Variants in SEC14L1 observed in about 807,000 individuals in gnomAD.
SEC14L1 encodes SEC14-like protein 1.
In SEC14L1, 48 loss-of-function variants were observed where a neutral mutation model predicts 85.3. The ratio of observed to expected loss-of-function variants is 0.56; its 90% CI spans 0.45 to 0.72. The LOEUF is 0.72. Among genes scored for constraint, SEC14L1 ranks in the 30% least tolerant of loss-of-function variants. The pLI, the probability that SEC14L1 is intolerant of heterozygous loss-of-function variation, is 0.00. For synonymous variants in SEC14L1, 391 were observed against 355.5 expected (o/e 1.10, Z -1.12); for missense variants, 682 against 921.4 (o/e 0.74, Z 3.36).
chr17:77,173,430 G>C lies in SEC14L1; in HGVS notation c.64-17373G>C, dbSNP rs150965574. ...AGGTGAGAGGTATCTGGCTGAGGCA[G>C]ATGGTCTAAAGGATCCCATGTGGGT... On this transcript the variant is annotated intron_variant, in intron 3 of 16. Coordinates refer to ENST00000436233, the MANE Select transcript of SEC14L1 (RefSeq NM_001143998.2). Among the ~76,000 whole-genome samples the C allele has an allele frequency of 5.9e-3, 900 of 152,058 alleles. 6 individuals carry two copies. Among genetic ancestry groups the C allele is most frequent in the African/African-American group, 0.02 (835 of 41,444 alleles).
chr17:77,146,196 G>A (rs1598296240), intron 3 of SEC14L1, among the ~76,000 whole-genome samples: 1 of 152,144 alleles, frequency 6.6e-6, no homozygotes, highest in East Asian at 1.9e-4. Flanking sequence ...AGGCAGTGGG[G>A]GTGGTAGGCA....
At chr17:77,176,721 G>T (rs553466214) in intron 3 of SEC14L1, among the ~76,000 whole-genome samples, 1 of 152,168 alleles carries the variant, frequency 6.6e-6, no homozygotes, top group East Asian at 1.9e-4. Flanking sequence ...TGAGTAGCTG[G>T]GATTACAGGT....
chr17:77,102,901 G>A (rs1343082601), intron 3 of SEC14L1, among the ~76,000 whole-genome samples: 2 of 151,940 alleles, frequency 1.3e-5, no homozygotes, highest in African/African-American at 2.4e-5. Context: ...TCCTGGGCTC[G>A]AGGGATCCCC....
chr17:77,092,872 C>T (rs1241854370), intron 2 of SEC14L1, among the ~76,000 whole-genome samples: 7 of 150,158 alleles, frequency 4.7e-5, no homozygotes, highest in East Asian at 2.0e-4. Flanking sequence ...TGCTTGAACC[C>T]GGGAGGCGGA....
intron 3 of SEC14L1, among the ~76,000 whole-genome samples, chr17:77,128,463 T>G (rs1346672262): frequency 7.1e-6 from 1 of 139,888 alleles, no homozygotes; most frequent in African/African-American, 2.7e-5. Flanking sequence ...TTATTATGTT[T>G]TTTTTTTTTT....
Position 77,216,485 on chromosome 17 carries a change from G to A in SEC14L1, c.*2462G>A. The A allele has an allele frequency of 6.2e-7, 1 of 1,612,562 alleles. No homozygotes were observed. The highest frequency in any genetic ancestry group is 8.5e-7 in the Non-Finnish European group (1 of 1,179,018). ...GTGCTGCTTCCACCTGGTGCTTCCT[G>A]TTCCCAAATCACAAGGGCCTGAAGG... On this transcript the variant is annotated 3_prime_UTR_variant, in exon 17 of 17. Transcript: ENST00000436233.
At chr17:77,149,586 C>T (rs939741712) in intron 3 of SEC14L1, among the ~76,000 whole-genome samples, 2 of 152,148 alleles carry the variant, frequency 1.3e-5, no homozygotes, top group African/African-American at 4.8e-5. Context: ...ATAGTCCTAG[C>T]TTCTCAGGAG....
chr17:77,136,261 TTC>T (rs146440414), upstream of SEC14L1, among the ~76,000 whole-genome samples: 49 of 151,000 alleles, frequency 3.2e-4, no homozygotes, highest in Admixed American at 4.6e-4. Flanking sequence ...CTTTCTTTCT[TTC>T]TCTCTTTTTC....
At chr17:77,203,519 CA>C in intron 9 of SEC14L1, 50 bp from the exon 10 acceptor site, 1 of 1,480,620 alleles carries the variant, frequency 6.8e-7, no homozygotes, top group Non-Finnish European at 9.4e-7. Flanking sequence ...GTTGTATCCT[CA>C]GTTTCAACTG....
rs778652715 is a variant in SEC14L1 at position 77,216,510 on chromosome 17, GTGGTCCC to G, written c.*2490_*2496del. 6.2e-7 allele frequency: 1 copy of G among 1,613,128 alleles called. No homozygotes were observed. The highest frequency in any genetic ancestry group is 1.3e-5 in the African/African-American group (1 of 74,872). ...GTTCCCAAATCACAAGGGCCTGAAG[GTGGTCCC>G]TGCTTTCTCTTTCTCTTTCTCTGTG... is the stretch of plus-strand genomic sequence containing the variant. On this transcript the variant is annotated 3_prime_UTR_variant, in exon 17 of 17. Coordinates refer to ENST00000436233, the MANE Select transcript of SEC14L1 (RefSeq NM_001143998.2).
At chr17:77,203,973 A>T (rs1976319430) in intron 10 of SEC14L1, among the ~76,000 whole-genome samples, 1 of 151,738 alleles carries the variant, frequency 6.6e-6, no homozygotes, top group Admixed American at 6.6e-5. Context: ...AGACCTCTTG[A>T]TAGCATTCTT....
intron 3 of SEC14L1, among the ~76,000 whole-genome samples, chr17:77,098,783 C>G (rs624757): frequency 0.9 from 136,791 of 152,174 alleles, 61,689 homozygotes; most frequent in African/African-American, 0.97. Context: ...TTGTTTCCTT[C>G]CCTGTGCCTT....
chr17:77,112,649 G>A (rs1687713234), intron 3 of SEC14L1, among the ~76,000 whole-genome samples: 2 of 152,172 alleles, frequency 1.3e-5, no homozygotes, highest in African/African-American at 2.4e-5. Context: ...ACTTTGGGAG[G>A]CCGAGGTGGG....
chr17:77,117,620 A>G (rs1972204595), intron 3 of SEC14L1, among the ~76,000 whole-genome samples: 1 of 152,134 alleles, frequency 6.6e-6, no homozygotes, highest in South Asian at 2.1e-4. Context: ...TCACCAATGA[A>G]TTGCTCAAGA....
Position 77,190,847 on chromosome 17 carries a change from C to T in SEC14L1, c.108C>T (p.Phe36=), listed in dbSNP as rs773608647. 3.1e-6 allele frequency: 5 copies of T among 1,614,170 alleles called. No individual in the cohort carries two copies. Among genetic ancestry groups the T allele is most frequent in the East Asian group, 2.2e-5 (1 of 44,888 alleles). The change falls in exon 4 of 17, where the codon TTC becomes TTT. Residue 36 remains phenylalanine (F), a synonymous_variant. Coordinates refer to ENST00000436233, the MANE Select transcript of SEC14L1 (RefSeq NM_001143998.2). ...RFPTCPLIPM[F]VGSDTVNEFK... ...CTACATGTCCTTTGATTCCGATGTT[C>T]GTGGGCAGTGACACTGTGAATGAAT...
intron 3 of SEC14L1, among the ~76,000 whole-genome samples, chr17:77,153,877 A>T (rs906241581): frequency 1.1e-4 from 17 of 152,144 alleles, no homozygotes; most frequent in South Asian, 4.1e-4. Flanking sequence ...TTTGACCTGT[A>T]CGCTAGTGAA....
At chr17:77,161,143 T>C (rs865776342) in intron 3 of SEC14L1, among the ~76,000 whole-genome samples, 1 of 152,226 alleles carries the variant, frequency 6.6e-6, no homozygotes, top group Non-Finnish European at 1.5e-5. Flanking sequence ...TTGTATGAGC[T>C]TTTTTGTTTT....
chr17:77,140,822 C>A (rs944515964), upstream of SEC14L1: 1 of 150,532 alleles, frequency 6.6e-6, no homozygotes, highest in Admixed American at 6.6e-5. Context: ...GGGTGTCCTC[C>A]CCCCTCCCCT....
intron 3 of SEC14L1, among the ~76,000 whole-genome samples, chr17:77,175,829 T>C (rs999651149): frequency 6.6e-6 from 1 of 152,218 alleles, no homozygotes; most frequent in Non-Finnish European, 1.5e-5. Context: ...GGAAAACTTA[T>C]TTCTCTTTCT....
Sources: gnomAD v4.1 joint callset for allele counts (sites outside exome capture counted in the v4.1 genomes callset) on GRCh38, gnomAD v4.1.1 for gene constraint, MANE v1.5 for transcripts, NCBI Gene and HGNC (gene_info 2026-07-23, HGNC 2026-07-21) for gene names.